The following OSBP2 variants were observed in gnomAD, a reference collection of about 807,000 sequenced individuals.
OSBP2 encodes the protein oxysterol-binding protein 2.
OSBP2 carries 66 observed loss-of-function variants against 96.0 expected under a neutral mutation model. That is an observed-to-expected ratio of 0.69 (90% confidence interval 0.56 to 0.84). OSBP2 has a LOEUF of 0.84. OSBP2 is among the 40% of genes least tolerant of loss of function. The probability of loss-of-function intolerance (pLI) is 0.00; values close to 1 mark genes in which losing one functional copy is unlikely to be tolerated. For synonymous variants in OSBP2, 525 were observed against 520.9 expected (o/e 1.01, Z -0.11); for missense variants, 1,038 against 1,222.7 (o/e 0.85, Z 2.25).
intron 2 of OSBP2, among the ~76,000 whole-genome samples, chr22:30,808,227 A>T (rs1310956250): frequency 1.3e-5 from 2 of 150,414 alleles, no homozygotes; most frequent in Non-Finnish European, 3.0e-5. Context: ...TAGGCCGGGC[A>T]TGGTAGCTCA....
intron 1 of OSBP2, among the ~76,000 whole-genome samples, chr22:30,733,862 T>C (rs2089815121): frequency 6.6e-6 from 1 of 152,210 alleles, no homozygotes; most frequent in South Asian, 2.1e-4. Flanking sequence ...TTGTGGTAAA[T>C]TCTCTTGCAG....
intron 2 of OSBP2, among the ~76,000 whole-genome samples, chr22:30,744,272 C>A (rs889908821): frequency 2.0e-5 from 3 of 152,050 alleles, no homozygotes; most frequent in African/African-American, 7.2e-5. Flanking sequence ...GTCTTGGAGT[C>A]AGCTTGGGGC....
Position 30,741,322 on chromosome 22 carries a change from T to C in OSBP2, c.806T>C (p.Leu269Pro). The change falls in exon 2 of 14, where the codon CTG becomes CCG. Residue 269 changes from leucine to proline, a missense_variant. Coordinates refer to ENST00000332585, the MANE Select transcript of OSBP2 (RefSeq NM_030758.4). ...EVDRQQWITA[L>P]ELAKAKAVRV... is the part of the protein sequence containing the mutation. ...GACCGGCAGCAGTGGATCACCGCCC[T>C]GGAGCTGGCCAAGGCCAAGGCTGTC... is the stretch of plus-strand genomic sequence containing the variant. 2 of 1,613,340 alleles carry C rather than the reference T, an allele frequency of 1.2e-6. No individual in the cohort carries two copies. The highest frequency in any genetic ancestry group is 1.7e-6 in the Non-Finnish European group (2 of 1,180,008).
intron 2 of OSBP2, among the ~76,000 whole-genome samples, chr22:30,813,851 A>G (rs1444245252): frequency 3.3e-5 from 5 of 150,674 alleles, no homozygotes; most frequent in African/African-American, 7.4e-5. Flanking sequence ...CATCCAGGCT[A>G]GAGTGCAATG....
intron 2 of OSBP2, among the ~76,000 whole-genome samples, chr22:30,762,804 C>T (rs1351861915): frequency 1.3e-5 from 2 of 152,194 alleles, no homozygotes; most frequent in African/African-American, 4.8e-5. Flanking sequence ...CAGATGTTTG[C>T]TCCCAGGTGT....
At chr22:30,768,050 C>T (rs947045745) in intron 2 of OSBP2, among the ~76,000 whole-genome samples, 9 of 152,160 alleles carry the variant, frequency 5.9e-5, no homozygotes, top group South Asian at 2.1e-4. Flanking sequence ...CAGATGGCTG[C>T]GGCTTACCCC....
intron 1 of OSBP2, among the ~76,000 whole-genome samples, chr22:30,703,767 T>TGCCTG (rs1318474888): frequency 2.6e-5 from 4 of 152,168 alleles, no homozygotes; most frequent in African/African-American, 9.6e-5. Context: ...TGAGCCATCG[T>TGCCTG]GCCTGGCCTG....
At chr22:30,905,134 C>CTTTTTTTTTTTTTT (rs566334052) in intron 12 of OSBP2, among the ~76,000 whole-genome samples, 1 of 68,704 alleles carries the variant, frequency 1.5e-5, no homozygotes, top group Admixed American at 1.8e-4. Context: ...CGAGACCCGT[C>CTTTTTTTTTTTTTT]TTTTTTTTTT....
At chr22:30,694,813 C>T (rs2088991727), upstream of OSBP2, 3 of 565,566 alleles carry the variant, frequency 5.3e-6, no homozygotes, top group Non-Finnish European at 6.7e-6. Context: ...CGCGCCCCCG[C>T]CTCGCGCCGC....
Position 30,890,692 on chromosome 22 carries a change from GGTGCCCA to G in OSBP2, c.1624-34_1624-28del, listed in dbSNP as rs1336560787. 6 of 1,603,050 alleles carry G rather than the reference GGTGCCCA, an allele frequency of 3.7e-6. No homozygotes were observed. The highest frequency in any genetic ancestry group is 3.3e-5 in the Admixed American group (2 of 59,924). On this transcript the variant is annotated intron_variant, in intron 7 of 13. Transcript: ENST00000332585. The surrounding 1 kb of genome is among the most constrained non-coding windows in gnomAD (Gnocchi z 4.4). ...AAGGGCACCATGCCAAGCCGGGGCT[GGTGCCCA>G]GCCTGACCACCCACCTGTCCACCCA...
chr22:30,713,620 T>C (rs1323987902), intron 1 of OSBP2, among the ~76,000 whole-genome samples: 1 of 151,972 alleles, frequency 6.6e-6, no homozygotes, highest in Non-Finnish European at 1.5e-5. Context: ...ACCACTATGC[T>C]TGGCTAAGTT....
intron 1 of OSBP2, among the ~76,000 whole-genome samples, chr22:30,738,556 A>C (rs1272240122): frequency 6.6e-6 from 1 of 151,584 alleles, no homozygotes; most frequent in Non-Finnish European, 1.5e-5. Context: ...AAAAAGACAA[A>C]TGTCTTTTTT....
chr22:30,791,883 A>G (rs2090680676), intron 2 of OSBP2, among the ~76,000 whole-genome samples: 1 of 152,204 alleles, frequency 6.6e-6, no homozygotes, highest in Admixed American at 6.5e-5. Flanking sequence ...CTGCCCCCAC[A>G]TCAGTGGGTA....
chr22:30,820,507 C>T (rs1045150044), intron 2 of OSBP2, among the ~76,000 whole-genome samples: 3 of 152,168 alleles, frequency 2.0e-5, no homozygotes, highest in Admixed American at 6.5e-5. Context: ...GCAGTAATCT[C>T]TTTAAGGGAC....
chr22:30,832,230 T>G (rs1406840892), intron 2 of OSBP2, among the ~76,000 whole-genome samples: 1 of 152,204 alleles, frequency 6.6e-6, no homozygotes, highest in Non-Finnish European at 1.5e-5. Flanking sequence ...TATCCAGAAT[T>G]GATTTCTGTA....
intron 1 of OSBP2, among the ~76,000 whole-genome samples, chr22:30,723,295 C>T (rs745994237): frequency 4.6e-5 from 7 of 151,632 alleles, no homozygotes; most frequent in Non-Finnish European, 7.4e-5. Flanking sequence ...TTAGTAGAGA[C>T]GGGGTTTCAC....
chr22:30,711,212 A>G lies in OSBP2; in HGVS notation c.644+15659A>G, dbSNP rs1436363002. Among the ~76,000 whole-genome samples the G allele has an allele frequency of 9.9e-3, 3 of 302 alleles. No individual in the cohort carries two copies. In the East Asian group the frequency reaches 0.5, roughly 50 times the overall value. The allele number at this position is 302 out of a possible 152,430, so 0.2% of individuals were successfully genotyped here. A position where few individuals can be genotyped will look rare whatever the true frequency, so the allele number is the denominator to read the frequency against. ...TTTTTAGTGTATAGAGCTAGGAAATATATATATATATATTTATGTGTGTTT... is the reference window on the plus strand; with the variant it reads ...TTTTTAGTGTATAGAGCTAGGAAATGTATATATATATATTTATGTGTGTTT... On this transcript the variant is annotated intron_variant, in intron 1 of 13. Coordinates refer to ENST00000332585, the MANE Select transcript of OSBP2 (RefSeq NM_030758.4).
At chr22:30,776,051 C>T (rs2090431006) in intron 2 of OSBP2, among the ~76,000 whole-genome samples, 2 of 151,890 alleles carry the variant, frequency 1.3e-5, no homozygotes, top group East Asian at 1.9e-4. Context: ...CCACTTCAGC[C>T]TCCCAAAGTG....
At chr22:30,736,334 C>T (rs1211110927) in intron 1 of OSBP2, among the ~76,000 whole-genome samples, 1 of 152,208 alleles carries the variant, frequency 6.6e-6, no homozygotes, top group Non-Finnish European at 1.5e-5. Flanking sequence ...CCCTCCCTCG[C>T]TCCCTCAGCC....
Sources: allele counts gnomAD v4.1 joint callset (sites outside exome capture counted in the v4.1 genomes callset), GRCh38; gene constraint gnomAD v4.1.1; non-coding constraint Gnocchi (gnomAD v3.1); transcripts MANE v1.5; gene names NCBI Gene and HGNC (gene_info 2026-07-23, HGNC 2026-07-21).